The following UGGT1 variants were observed in gnomAD, a reference collection of about 807,000 sequenced individuals.
UGGT1 encodes the protein UDP-glucose glycoprotein glucosyltransferase 1.
In UGGT1, 107 loss-of-function variants were observed where a neutral mutation model predicts 203.9. That is an observed-to-expected ratio of 0.52 (90% confidence interval 0.45 to 0.62). UGGT1 has a LOEUF of 0.62. UGGT1 is among the 20% of genes least tolerant of loss of function. The pLI is 0.00. For synonymous variants in UGGT1, 628 were observed against 653.5 expected (o/e 0.96, Z 0.59); for missense variants, 1,673 against 1,867.2 (o/e 0.90, Z 1.92).
Position 128,122,666 on chromosome 2 carries a change from G to A in UGGT1, c.1074-520G>A, listed in dbSNP as rs1558769299. On this transcript the variant is annotated intron_variant, in intron 10 of 40. Coordinates refer to ENST00000259253, the MANE Select transcript of UGGT1 (RefSeq NM_020120.4). ...ATTTTTAGAAACTATTGACTTGAAT[G>A]GTTCCCAGTCATTTTCTTGAGTCAC... Among the ~76,000 whole-genome samples the A allele has an allele frequency of 2.6e-5, 4 of 152,240 alleles. No individual in the cohort carries two copies. In the South Asian group the frequency reaches 6.2e-4, roughly 24 times the overall value.
chr2:128,115,583 G>A (rs961012659), intron 7 of UGGT1, among the ~76,000 whole-genome samples: 1 of 151,538 alleles, frequency 6.6e-6, no homozygotes, highest in Non-Finnish European at 1.5e-5. Flanking sequence ...TGTTGTTGAT[G>A]TTATAGGGGA....
rs371032236 is a variant in UGGT1 at position 128,150,668 on chromosome 2, C to T, written c.2017-2116C>T. 2.2e-3 allele frequency among the ~76,000 whole-genome samples: 295 copies of T among 136,710 alleles called. 1 individual carries two copies. Among genetic ancestry groups the T allele is most frequent in the Non-Finnish European group, 3.3e-3 (218 of 65,200 alleles). The allele number at this position is 136,710 out of a possible 152,430, so 89.7% of individuals were successfully genotyped here. A position where few individuals can be genotyped will look rare whatever the true frequency, so the allele number is the denominator to read the frequency against. On this transcript the variant is annotated intron_variant, in intron 18 of 40. Transcript: ENST00000259253. ...ATTATTTATTTTTTTTAATTAATAA[C>T]TTTTTTTTTTTTTTTTACAAATGTT...
In UGGT1 at chr2:128,120,420, A is replaced by C. The variant is rs745827245; in HGVS notation, c.937A>C (p.Asn313His). 2.5e-6 allele frequency: 4 copies of C among 1,614,094 alleles called. No individual in the cohort carries two copies. Among genetic ancestry groups the C allele is most frequent in the South Asian group, 1.1e-5 (1 of 91,060 alleles). ...ELRKHLVEST[N>H]EMAPLKVWQL... ...CAGAAAGCATCTTGTAGAGAGCACCAATGAAATGGCACCTTTAAAGGTTTG... is the reference window on the plus strand; with the variant it reads ...CAGAAAGCATCTTGTAGAGAGCACCCATGAAATGGCACCTTTAAAGGTTTG... The change falls in exon 9 of 41, where the codon AAT becomes CAT. Residue 313 changes from asparagine (N) to histidine (H), a missense_variant. Transcript: ENST00000259253.
At position 128,109,762 on chromosome 2, in the gene UGGT1, C is replaced by G; in HGVS notation, c.521+16C>G. Reference sequence around the variant, plus strand: ...CCTCTGAAAGGTAGATTATGTGTTTCTTTATTTTCATGTCATGCATTTCCA... The same window carrying G: ...CCTCTGAAAGGTAGATTATGTGTTTGTTTATTTTCATGTCATGCATTTCCA... On this transcript the variant is annotated intron_variant, in intron 5 of 40. Transcript: ENST00000259253. The G allele has an allele frequency of 6.3e-7, 1 of 1,597,388 alleles. No individual in the cohort carries two copies. Among genetic ancestry groups the G allele is most frequent in the Non-Finnish European group, 8.6e-7 (1 of 1,165,586 alleles).
intron 14 of UGGT1, among the ~76,000 whole-genome samples, chr2:128,133,970 C>T (rs968189604): frequency 6.6e-6 from 1 of 152,054 alleles, no homozygotes; most frequent in South Asian, 2.1e-4. Context: ...GGGTTAGTGC[C>T]AAGGTTGGCC....
chr2:128,091,491 C>T (rs190122210), intron 1 of UGGT1, 76 bp downstream of exon 1: 407 of 1,520,194 alleles, frequency 2.7e-4, no homozygotes, highest in Non-Finnish European at 3.5e-4. Context: ...GTGCCCCTGT[C>T]ACATTGAGCT....
Position 128,179,804 on chromosome 2 carries a change from G to A in UGGT1, c.3834G>A (p.Val1278=), listed in dbSNP as rs754847752. The A allele has an allele frequency of 1.9e-6, 3 of 1,613,774 alleles. No individual in the cohort carries two copies. The highest frequency in any genetic ancestry group is 2.2e-5 in the South Asian group (2 of 90,936). ...TTGGCAGCATAATGATGCTATCCGT[G>A]CTGAAGAATACCAAGACTCCTGTGA... The part of the protein sequence containing the change: ...ERFLRIMMLS[V]LKNTKTPVKF... The change falls in exon 35 of 41, where the codon GTG becomes GTA. Residue 1278 remains valine (V), a synonymous_variant. Transcript: ENST00000259253.
chr2:128,189,953 A>G lies in UGGT1; in HGVS notation c.*211A>G. ...TCTGTTGGATTTGTACCTCAGAGGA[A>G]GACCAAGTGGCTGATCCTTTGGACT... On this transcript the variant is annotated 3_prime_UTR_variant, in exon 41 of 41. Coordinates refer to ENST00000259253, the MANE Select transcript of UGGT1 (RefSeq NM_020120.4). 1 of 527,060 alleles carries G rather than the reference A, an allele frequency of 1.9e-6. No individual in the cohort carries two copies. Among genetic ancestry groups the G allele is most frequent in the South Asian group, 2.9e-5 (1 of 34,246 alleles). 32.6% of individuals were successfully genotyped at this position (527,060 alleles called of 1,614,324 possible).
chr2:128,138,926 T>C, intron 16 of UGGT1, 74 bp downstream of exon 16: 1 of 1,582,776 alleles, frequency 6.3e-7, no homozygotes, highest in East Asian at 2.2e-5. Context: ...GTGGTCATTG[T>C]ATGCTAGGCA....
At chr2:128,149,449 C>T (rs1489138039) in intron 18 of UGGT1, among the ~76,000 whole-genome samples, 1 of 148,772 alleles carries the variant, frequency 6.7e-6, no homozygotes, top group Admixed American at 6.7e-5. Flanking sequence ...TTGAGACCAT[C>T]CTGGCTAACA....
At chr2:128,169,045 C>CT (rs1690947475) in intron 26 of UGGT1, among the ~76,000 whole-genome samples, 1 of 73,204 alleles carries the variant, frequency 1.4e-5, no homozygotes, top group Non-Finnish European at 2.4e-5. Flanking sequence ...GAGACTCTGT[C>CT]TTTAAAAAAA....
At chr2:128,091,486 C>G in intron 1 of UGGT1, 71 bp downstream of exon 1, 1 of 1,524,928 alleles carries the variant, frequency 6.6e-7, no homozygotes. Flanking sequence ...ACCCTGTGCC[C>G]CTGTCACATT....
chr2:128,176,771 G>A (rs1158747633), intron 31 of UGGT1, 43 bp from the exon 32 acceptor site: 2 of 1,577,442 alleles, frequency 1.3e-6, no homozygotes, highest in African/African-American at 2.7e-5. Context: ...GCTGCCTTTT[G>A]AGAATTGTGC....
intron 19 of UGGT1, among the ~76,000 whole-genome samples, chr2:128,153,614 T>A (rs1690086374): frequency 6.6e-6 from 1 of 152,236 alleles, no homozygotes; most frequent in African/African-American, 2.4e-5. Flanking sequence ...AAGCCTTTTG[T>A]GCCTGGCTTG....
intron 5 of UGGT1, 30 bp downstream of exon 5, chr2:128,109,776 C>A: frequency 6.4e-7 from 1 of 1,560,722 alleles, no homozygotes; most frequent in South Asian, 1.1e-5. Context: ...ATTTTCATGT[C>A]ATGCATTTCC....
At chr2:128,182,687 A>G (rs554342234) in intron 37 of UGGT1, among the ~76,000 whole-genome samples, 2 of 91,116 alleles carry the variant, frequency 2.2e-5, no homozygotes, top group African/African-American at 9.0e-5. Flanking sequence ...TGACAGAGTG[A>G]GATTCCATCT....
In UGGT1 at chr2:128,091,402, G is replaced by A. The variant is rs774875910; in HGVS notation, c.45G>A (p.Ala15=). The A allele has an allele frequency of 8.2e-6, 13 of 1,580,516 alleles. No homozygotes were observed. The South Asian group carries it at 1.4e-4, about 17-fold the overall frequency. The part of the protein sequence containing the change: ...GDASGACAAG[A]LPVTGVCYKM... ...CGAGCGGTGCGTGTGCCGCGGGTGCGCTGCCGGTGACAGGTACCCAGGGGT... is the reference window on the plus strand; with the variant it reads ...CGAGCGGTGCGTGTGCCGCGGGTGCACTGCCGGTGACAGGTACCCAGGGGT... Residue 15 remains alanine, a synonymous_variant, in exon 1 of 41, where the codon GCG becomes GCA. Coordinates refer to ENST00000259253, the MANE Select transcript of UGGT1 (RefSeq NM_020120.4).
chr2:128,098,230 A>T (rs1266633570), intron 2 of UGGT1, among the ~76,000 whole-genome samples: 1 of 152,178 alleles, frequency 6.6e-6, no homozygotes, highest in Non-Finnish European at 1.5e-5. Flanking sequence ...GGAAGAGAAG[A>T]GGGCTTAGCA....
intron 11 of UGGT1, among the ~76,000 whole-genome samples, chr2:128,124,338 G>A (rs984118402): frequency 6.6e-6 from 1 of 152,170 alleles, no homozygotes; most frequent in Admixed American, 6.5e-5. Flanking sequence ...TTGAAACAAG[G>A]CATCGCCTCT....
Sources: gnomAD v4.1 joint callset for allele counts (sites outside exome capture counted in the v4.1 genomes callset) on GRCh38, gnomAD v4.1.1 for gene constraint, MANE v1.5 for transcripts, NCBI Gene and HGNC (gene_info 2026-07-23, HGNC 2026-07-21) for gene names.